The following IMPDH1 variants were observed in gnomAD, a reference collection of about 807,000 sequenced individuals.
The protein encoded by IMPDH1 is inosine monophosphate dehydrogenase 1.
In IMPDH1, 41 loss-of-function variants were observed where a neutral mutation model predicts 73.5. The observed-to-expected ratio is 0.56, with a 90% CI of 0.43 to 0.72. The LOEUF is 0.72. IMPDH1 is among the 30% of genes least tolerant of loss of function. The pLI is 0.00. For synonymous variants in IMPDH1, 318 were observed against 334.3 expected, an observed-to-expected ratio of 0.95 and a Z score of 0.53; for missense variants, 645 against 824.8, an observed-to-expected ratio of 0.78 and a Z score of 2.67.
intron 3 of IMPDH1, among the ~76,000 whole-genome samples, chr7:128,408,569 T>G (rs984460666): frequency 1.4e-3 from 24 of 17,616 alleles, no homozygotes; most frequent in African/African-American, 2.2e-3. Flanking sequence ...AAGTGGGGGG[T>G]GCGGGTCGGT....
chr7:128,395,849 T>C (rs1216232563), intron 12 of IMPDH1, among the ~76,000 whole-genome samples: 3 of 152,214 alleles, frequency 2.0e-5, no homozygotes, highest in Non-Finnish European at 4.4e-5. Flanking sequence ...TAATGAATAT[T>C]TGTTAAGTGG....
At chr7:128,408,584 G>C (rs987622823) in intron 3 of IMPDH1, among the ~76,000 whole-genome samples, 4 of 152,110 alleles carry the variant, frequency 2.6e-5, no homozygotes. Context: ...GTCGGTTGGG[G>C]GTGGGGGTAG....
intron 9 of IMPDH1, 68 bp downstream of exon 9, chr7:128,400,027 G>A (rs1798203305): frequency 8.0e-7 from 1 of 1,247,724 alleles, no homozygotes; most frequent in Admixed American, 1.7e-5. Context: ...GTAAGGCTGT[G>A]AAGGAACAAC....
chr7:128,401,695 G>A (rs1424456976), intron 5 of IMPDH1, among the ~76,000 whole-genome samples: 2 of 152,178 alleles, frequency 1.3e-5, no homozygotes, highest in Non-Finnish European at 2.9e-5. Flanking sequence ...CAGGCTCCAA[G>A]GTGGAGAATG....
At chr7:128,405,657 G>C (rs1798672625) in intron 4 of IMPDH1, 110 bp downstream of exon 4, 5 of 1,401,196 alleles carry the variant, frequency 3.6e-6, no homozygotes, top group Non-Finnish European at 9.3e-7. Context: ...GCCCACAGCA[G>C]GCACTCGCAC....
Position 128,394,715 on chromosome 7 carries a change from T to G in IMPDH1, c.1551-116A>C. On this transcript the variant is annotated intron_variant, in intron 14 of 16. Coordinates refer to ENST00000338791, the MANE Select transcript of IMPDH1 (RefSeq NM_000883.4). The surrounding 1 kb of genome is among the most constrained non-coding windows in gnomAD (Gnocchi z 5.5). ...GAAGGTCCCCCAGGCCACCCCTCACTGGGCTGAGTCAGATGGCCCAGGGAC... is the reference window on the plus strand; with the variant it reads ...GAAGGTCCCCCAGGCCACCCCTCACGGGGCTGAGTCAGATGGCCCAGGGAC... The G allele has an allele frequency of 6.9e-7, 1 of 1,441,710 alleles. No homozygotes were observed. Among genetic ancestry groups the G allele is most frequent in the Non-Finnish European group, 9.6e-7 (1 of 1,041,958 alleles). 89.3% of individuals were successfully genotyped at this position (1,441,710 alleles called of 1,614,324 possible).
chr7:128,399,082 A>G (rs1003411661), intron 9 of IMPDH1, among the ~76,000 whole-genome samples: 2 of 152,186 alleles, frequency 1.3e-5, no homozygotes, highest in African/African-American at 2.4e-5. Context: ...CTAACAAGCG[A>G]AAGTTGGCCG....
At position 128,403,750 on chromosome 7, in the gene IMPDH1, A is replaced by C; in HGVS notation, c.358T>G (p.Phe120Val). ...ASADGLTYND[F>V]LILPGFIDFI... ...TCTATGAATCCTGGGAGAATCAGGA[A>C]GTCGCTGTGAAGACAGAGAAGTGAG... Residue 120 changes from phenylalanine to valine, a missense_variant, in exon 5 of 17, where the codon TTC becomes GTC. By Grantham distance (50) the Phe-to-Val change is conservative. This residue lies in a region of IMPDH1 where 186 missense variants were observed against 186.6 expected (regional missense o/e 1.00). Transcript: ENST00000338791. The C allele has an allele frequency of 6.2e-7, 1 of 1,613,960 alleles. No homozygotes were observed.
At chr7:128,406,146 C>T (rs1014762817) in intron 3 of IMPDH1, among the ~76,000 whole-genome samples, 22 of 150,472 alleles carry the variant, frequency 1.5e-4, no homozygotes, top group Admixed American at 1.1e-3. Context: ...CCCCCAGCTG[C>T]CTGCAGCGGC....
chr7:128,406,385 G>A, intron 3 of IMPDH1, among the ~76,000 whole-genome samples: 1 of 146,008 alleles, frequency 6.8e-6, no homozygotes, highest in Non-Finnish European at 1.5e-5. Flanking sequence ...CTCTAACACG[G>A]TTCTGCCGTT....
intron 9 of IMPDH1, 125 bp downstream of exon 9, chr7:128,399,970 G>A: frequency 2.4e-6 from 2 of 819,346 alleles, no homozygotes; most frequent in South Asian, 2.7e-5. Flanking sequence ...CCTGCCTGAG[G>A]TTATTCGAAC....
In IMPDH1 at chr7:128,409,360, G is replaced by A. The variant is rs762704496; in HGVS notation, c.191-8C>T. 1 of 1,614,210 alleles carries A rather than the reference G, an allele frequency of 6.2e-7. No homozygotes were observed. The highest frequency in any genetic ancestry group is 1.3e-5 in the African/African-American group (1 of 75,062). On this transcript the variant is annotated splice_region_variant and splice_polypyrimidine_tract_variant and intron_variant, in intron 2 of 16. Transcript: ENST00000338791. ...AGACCACTGAAGATAGTTCTAGGAG[G>A]AAACAGCTAAGGAGGGGTAAGCCAA... is the stretch of plus-strand genomic sequence containing the variant.
Position 128,396,873 on chromosome 7 carries a change from A to C in IMPDH1, c.1165+59T>G. 1 of 1,331,516 alleles carries C rather than the reference A, an allele frequency of 7.5e-7. No homozygotes were observed. The highest frequency in any genetic ancestry group is 1.7e-5 in the Admixed American group (1 of 59,508). 82.5% of individuals were successfully genotyped at this position (1,331,516 alleles called of 1,614,324 possible). A position where few individuals can be genotyped will look rare whatever the true frequency, so the allele number is the denominator to read the frequency against. ...ATCACCTAGGGATGCTGAAGGACAG[A>C]AAAGGGTTACTCATTGGAGGGGCAG... On this transcript the variant is annotated intron_variant, in intron 11 of 16. Transcript: ENST00000338791. The surrounding 1 kb of genome is among the most constrained non-coding windows in gnomAD (Gnocchi z 4.0).
intron 3 of IMPDH1, among the ~76,000 whole-genome samples, chr7:128,406,145 G>A (rs1206519030): frequency 2.7e-5 from 4 of 149,898 alleles, no homozygotes; most frequent in African/African-American, 7.3e-5. Flanking sequence ...GCCCCCAGCT[G>A]CCTGCAGCGG....
Position 128,396,656 on chromosome 7 carries a change from C to G in IMPDH1, c.1205G>C (p.Gly402Ala). 6.4e-7 allele frequency: 1 copy of G among 1,555,840 alleles called. No homozygotes were observed. The change falls in exon 12 of 17, where the codon GGT becomes GCT. Residue 402 changes from glycine to alanine, a missense_variant. By Grantham distance (60) the Gly-to-Ala change is moderately conservative. Coordinates refer to ENST00000338791, the MANE Select transcript of IMPDH1 (RefSeq NM_000883.4). The surrounding 1 kb of genome is among the most constrained non-coding windows in gnomAD (Gnocchi z 4.0). ...AAQAKNLIDA[G>A]VDGLRVGMGC... ...CATGCCCACGCGCAGCCCGTCCACA[C>G]CAGCATCAATCAGGTTCTTGGCCTG...
rs956528929 is a variant in IMPDH1, at chr7:128,394,664, A to C, written c.1551-65T>G. 11 of 1,595,664 alleles carry C rather than the reference A, an allele frequency of 6.9e-6. No individual in the cohort carries two copies. The African/African-American group carries it at 1.2e-4, about 17-fold the overall frequency. The stretch of plus-strand genomic sequence containing the variant: ...CTCAGAGGACCCCACCCCACCTCTT[A>C]AGGGCAAAAACGGGATACCGCCCAG... On this transcript the variant is annotated intron_variant, in intron 14 of 16. Coordinates refer to ENST00000338791, the MANE Select transcript of IMPDH1 (RefSeq NM_000883.4). The surrounding 1 kb of genome is among the most constrained non-coding windows in gnomAD (Gnocchi z 5.5).
chr7:128,402,839 G>T (rs1016673967), intron 5 of IMPDH1, among the ~76,000 whole-genome samples: 1 of 152,044 alleles, frequency 6.6e-6, no homozygotes, highest in African/African-American at 2.4e-5. Context: ...CATTGATTCG[G>T]CTCACTGATG....
intron 7 of IMPDH1, 113 bp from the exon 8 acceptor site, chr7:128,400,652 T>A: frequency 8.2e-7 from 1 of 1,223,696 alleles, no homozygotes. Context: ...GGACCCTCAG[T>A]GGGATGAGGA....
At position 128,394,383 on chromosome 7, in the gene IMPDH1, C is replaced by T. The variant is rs1473786622; in HGVS notation, c.1695-22G>A. 6.2e-7 allele frequency: 1 copy of T among 1,613,474 alleles called. No homozygotes were observed. Among genetic ancestry groups the T allele is most frequent in the East Asian group, 2.2e-5 (1 of 44,862 alleles). On this transcript the variant is annotated intron_variant, in intron 15 of 16. Coordinates refer to ENST00000338791, the MANE Select transcript of IMPDH1 (RefSeq NM_000883.4). This position sits in a 1 kb window ranked among gnomAD's most constrained non-coding sequence, Gnocchi z 5.5. ...GGACCTAGGAGGAAGGTAGGTGGAG[C>T]AGATCAGGGCCACCAAGGGTGGAGA...
Sources: allele counts gnomAD v4.1 joint callset (sites outside exome capture counted in the v4.1 genomes callset), GRCh38; gene constraint gnomAD v4.1.1; regional missense constraint gnomAD v4.1.1; non-coding constraint Gnocchi (gnomAD v3.1); transcripts MANE v1.5; gene names NCBI Gene and HGNC (gene_info 2026-07-23, HGNC 2026-07-21).